Variants in SYTL5 observed in about 807,000 individuals in gnomAD.
SYTL5 encodes synaptotagmin-like protein 5.
Under a neutral mutation model 55.9 loss-of-function variants are expected in SYTL5, and 34 were observed. That is an observed-to-expected ratio of 0.61 (90% CI 0.46 to 0.81). The LOEUF is 0.81. SYTL5 is among the 30% of genes least tolerant of loss of function. SYTL5 has a pLI of 0.00. For synonymous variants in SYTL5, 221 were observed against 188.7 expected (o/e 1.17, Z -1.40); for missense variants, 637 against 546.7 (o/e 1.17, Z -1.65).
intron 13 of SYTL5, among the ~76,000 whole-genome samples, chrX:38,117,721 A>G (rs1937515696): frequency 9.0e-6 from 1 of 111,678 alleles, no homozygotes; most frequent in Non-Finnish European, 1.9e-5. Context: ...CATGTCTTAC[A>G]CATGATGTTG....
At chrX:38,096,540 A>G (rs1022910680) in intron 9 of SYTL5, among the ~76,000 whole-genome samples, 1 of 111,345 alleles carries the variant, frequency 9.0e-6, no homozygotes, top group Non-Finnish European at 1.9e-5. Context: ...CATTTTCCTT[A>G]GCCAAATATT....
At chrX:37,944,324 T>C in the SYTL5 span, among the ~76,000 whole-genome samples, 2 of 111,249 alleles carry the variant, frequency 1.8e-5, no homozygotes, top group African/African-American at 6.5e-5. Context: ...TCTGGGGGCA[T>C]TTTGATTGAG....
At chrX:38,084,542 C>A (rs1360793645) in intron 6 of SYTL5, among the ~76,000 whole-genome samples, 1 of 110,870 alleles carries the variant, frequency 9.0e-6, no homozygotes, top group Non-Finnish European at 1.9e-5. Flanking sequence ...TAGATAGTGT[C>A]AGAATTTAAT....
At chrX:37,900,249 C>T in the SYTL5 span, among the ~76,000 whole-genome samples, 1 of 112,201 alleles carries the variant, frequency 8.9e-6, no homozygotes, top group Non-Finnish European at 1.9e-5. Flanking sequence ...TTCCTTAGTG[C>T]CTACCACAGG....
At chrX:38,025,069 G>A (rs1332292570) in intron 1 of SYTL5, among the ~76,000 whole-genome samples, 1 of 111,762 alleles carries the variant, frequency 8.9e-6, no homozygotes, top group Non-Finnish European at 1.9e-5. Flanking sequence ...CTGTGCTTGT[G>A]GTAATCCAAT....
At chrX:38,010,688 A>G (rs761223315) in intron 1 of SYTL5, among the ~76,000 whole-genome samples, 1 of 111,680 alleles carries the variant, frequency 9.0e-6, no homozygotes, top group East Asian at 2.8e-4. Context: ...TAACAGTCAT[A>G]TGCTTATTGC....
the SYTL5 span, among the ~76,000 whole-genome samples, chrX:37,909,499 C>T: frequency 0.036 from 3,968 of 108,870 alleles, 187 homozygotes; most frequent in African/African-American, 0.13. Context: ...TTTTTTAGCT[C>T]ATCAGCTATC....
the SYTL5 span, chrX:37,990,950 A>G: frequency 2.4e-5 from 29 of 1,210,267 alleles, no homozygotes; most frequent in Non-Finnish European, 3.0e-5. Flanking sequence ...GCGTTGTGCA[A>G]GATGAACGAG....
At chrX:37,936,198 C>A in the SYTL5 span, among the ~76,000 whole-genome samples, 1 of 111,915 alleles carries the variant, frequency 8.9e-6, no homozygotes, top group Non-Finnish European at 1.9e-5. Context: ...TATGCACCCA[C>A]GAAGAGAACA....
chrX:38,085,457 G>T (rs1936642310), intron 6 of SYTL5, among the ~76,000 whole-genome samples: 1 of 112,047 alleles, frequency 8.9e-6, no homozygotes, highest in Admixed American at 9.5e-5. Context: ...AAGACTAGAA[G>T]ATTGAGCTAC....
chrX:37,924,800 T>A, the SYTL5 span, among the ~76,000 whole-genome samples: 1 of 111,716 alleles, frequency 9.0e-6, no homozygotes, highest in Non-Finnish European at 1.9e-5. Context: ...TTGATACCTG[T>A]ATACAATGTG....
the SYTL5 span, chrX:37,991,249 G>A: frequency 8.6e-7 from 1 of 1,158,773 alleles, no homozygotes; most frequent in African/African-American, 1.8e-5. Flanking sequence ...GGGCAAAAAT[G>A]TGTCACAGCT....
chrX:38,071,585 A>T (rs762646457), intron 3 of SYTL5, among the ~76,000 whole-genome samples: 1 of 111,869 alleles, frequency 8.9e-6, no homozygotes, highest in South Asian at 3.8e-4. Flanking sequence ...GTCTGATCAC[A>T]GAGTCTGATC....
At chrX:38,037,792 A>AGAT (rs762359724) in intron 2 of SYTL5, among the ~76,000 whole-genome samples, 11 of 60,608 alleles carry the variant, frequency 1.8e-4, no homozygotes, top group African/African-American at 5.1e-4. Context: ...TTTTTCTGAT[A>AGAT]GATAGATAGA....
intron 9 of SYTL5, among the ~76,000 whole-genome samples, 184 bp downstream of exon 9, chrX:38,096,418 G>A (rs1331407683): frequency 9.0e-6 from 1 of 111,149 alleles, no homozygotes; most frequent in African/African-American, 3.3e-5. Context: ...AAATATAATG[G>A]GTAATCATGT....
upstream of SYTL5, among the ~76,000 whole-genome samples, chrX:38,003,758 C>T (rs1258160935): frequency 8.9e-6 from 1 of 111,855 alleles, no homozygotes; most frequent in Non-Finnish European, 1.9e-5. Flanking sequence ...TTTAAAGGAA[C>T]CTTCAAACTG....
chrX:37,899,260 G>GCA, the SYTL5 span, among the ~76,000 whole-genome samples: 1 of 110,564 alleles, frequency 9.0e-6, no homozygotes, highest in Non-Finnish European at 1.9e-5. Context: ...ACAGTGCAGT[G>GCA]GCGCAATCAT....
At chrX:38,121,136 T>C (rs1441134305) in intron 14 of SYTL5, among the ~76,000 whole-genome samples, 2 of 110,696 alleles carry the variant, frequency 1.8e-5, no homozygotes, top group Non-Finnish European at 3.8e-5. Context: ...GCCACATACT[T>C]TTAAACAACC....
At chrX:38,013,683 C>T (rs778406502) in intron 1 of SYTL5, among the ~76,000 whole-genome samples, 23 of 111,578 alleles carry the variant, frequency 2.1e-4, no homozygotes, top group African/African-American at 7.2e-4. Context: ...TTTTTTCCTG[C>T]TGCACCAATT....
Sources: allele counts gnomAD v4.1 joint callset (sites outside exome capture counted in the v4.1 genomes callset), GRCh38; gene constraint gnomAD v4.1.1; transcripts MANE v1.5; gene names NCBI Gene and HGNC (gene_info 2026-07-23, HGNC 2026-07-21).